The following RPF2 variants were observed in gnomAD, a reference collection of about 807,000 sequenced individuals.
RPF2 encodes the protein ribosome production factor 2 homolog, also known as brix domain containing 1.
Under a neutral mutation model 38.9 loss-of-function variants are expected in RPF2, and 21 were observed. That is an observed-to-expected ratio of 0.54 (90% CI 0.38 to 0.78). The LOEUF is 0.78. Among genes scored for constraint, RPF2 ranks in the 30% least tolerant of loss-of-function variants. The probability of loss-of-function intolerance (pLI) is 0.00; values close to 1 mark genes in which losing one functional copy is unlikely to be tolerated. For synonymous variants in RPF2, 121 were observed against 126.2 expected (o/e 0.96, Z 0.28); for missense variants, 314 against 358.1 (o/e 0.88, Z 0.99).
chr6:110,987,725 C>T (rs1771547571), intron 2 of RPF2, among the ~76,000 whole-genome samples: 1 of 152,118 alleles, frequency 6.6e-6, no homozygotes, highest in Admixed American at 6.6e-5. Context: ...CTTTGTTCAC[C>T]AACTCTGATA....
At chr6:110,993,888 C>T (rs560451857) in intron 4 of RPF2, among the ~76,000 whole-genome samples, 1 of 152,262 alleles carries the variant, frequency 6.6e-6, no homozygotes, top group Non-Finnish European at 1.5e-5. Context: ...ATGAGTTTTG[C>T]TGCTTTAGAG....
At chr6:111,023,758 C>T (rs1772272785) in intron 8 of RPF2, among the ~76,000 whole-genome samples, 1 of 151,964 alleles carries the variant, frequency 6.6e-6, no homozygotes, top group Non-Finnish European at 1.5e-5. Flanking sequence ...GAGGCCGAGG[C>T]AGGAGGATCA....
chr6:111,025,483 C>A lies in RPF2; in HGVS notation c.822C>A (p.Ser274Arg), dbSNP rs775963504. The change falls in exon 10 of 10, where the codon AGC becomes AGA. Residue 274 changes from serine (S) to arginine (R), a missense_variant. By Grantham distance (110) the Ser-to-Arg change is moderately radical. Transcript: ENST00000441448. Reference protein sequence around the residue: ...GRIHMQKQDLSKLQTRKMKGL... With the variant: ...GRIHMQKQDLRKLQTRKMKGL... The stretch of plus-strand genomic sequence containing the variant: ...TTCATATGCAGAAGCAAGACCTAAG[C>A]AAACTACAAACCAGGAAAATGAAGG... 1.2e-5 allele frequency: 20 copies of A among 1,613,178 alleles called. No homozygotes were observed. The highest frequency in any genetic ancestry group is 1.5e-5 in the Non-Finnish European group (18 of 1,179,530).
At position 111,025,579 on chromosome 6, in the gene RPF2, T is replaced by C; in HGVS notation, c.918T>C (p.Asn306=). 2.5e-6 allele frequency: 4 copies of C among 1,602,726 alleles called. No individual in the cohort carries two copies. Among genetic ancestry groups the C allele is most frequent in the Non-Finnish European group, 3.4e-6 (4 of 1,176,230 alleles). Residue 306 remains asparagine (N), a synonymous_variant, in exon 10 of 10, where the codon AAT becomes AAC. Coordinates refer to ENST00000441448, the MANE Select transcript of RPF2 (RefSeq NM_032194.3). ...HEKKSKRIKK[N] ...AAAAGTCAAAAAGAATTAAAAAAAA[T>C]TGATGGAACTTAGCCAGCCACTACT...
chr6:111,013,088 A>G (rs1158660575), intron 7 of RPF2, among the ~76,000 whole-genome samples: 2 of 152,218 alleles, frequency 1.3e-5, no homozygotes, highest in East Asian at 3.8e-4. Context: ...GTCTTTCCCA[A>G]CTAGAAATGA....
intron 3 of RPF2, among the ~76,000 whole-genome samples, chr6:110,989,512 A>G (rs1024056277): frequency 4.6e-5 from 7 of 152,026 alleles, no homozygotes; most frequent in Admixed American, 2.0e-4. Flanking sequence ...GTGCAGTGGC[A>G]TGATCTCTGC....
rs1316241608 is a variant in RPF2, at chr6:111,008,138, G to A, written c.493+1G>A. The A allele has an allele frequency of 1.3e-6, 2 of 1,593,176 alleles. No homozygotes were observed. The highest frequency in any genetic ancestry group is 1.7e-6 in the Non-Finnish European group (2 of 1,171,436). On this transcript the variant is annotated splice_donor_variant, in intron 7 of 9. Transcript: ENST00000441448. LOFTEE classifies it high-confidence loss of function. ...AGAAGACTAAAAAGTCTTCTTATTG[G>A]TAAGTATTTTAGTATTTATTATCTT...
At position 111,017,316 on chromosome 6, in the gene RPF2, ACCTC is replaced by A. The variant is rs1490774142; in HGVS notation, c.596+1467_596+1470del. On this transcript the variant is annotated intron_variant, in intron 8 of 9. Coordinates refer to ENST00000441448, the MANE Select transcript of RPF2 (RefSeq NM_032194.3). ...GCGGCGGCTGGGCGGAGGCGCCCCCACCTCCCTCCCGGATGGGGCGGCTGGCCGG... is the reference window on the plus strand; with the variant it reads ...GCGGCGGCTGGGCGGAGGCGCCCCCACCTCCCGGATGGGGCGGCTGGCCGG... Among the ~76,000 whole-genome samples, 5 of 143,534 alleles carry A rather than the reference ACCTC, an allele frequency of 3.5e-5. No individual in the cohort carries two copies. In the East Asian group the frequency reaches 1.1e-3, roughly 30 times the overall value. 94.2% of individuals were successfully genotyped at this position (143,534 alleles called of 152,430 possible).
intron 8 of RPF2, among the ~76,000 whole-genome samples, chr6:111,017,385 T>G (rs1387387912): frequency 1.4e-5 from 2 of 142,820 alleles, no homozygotes; most frequent in African/African-American, 5.3e-5. Flanking sequence ...ACGGGGCGGC[T>G]GCCAGGCGGA....
intron 7 of RPF2, among the ~76,000 whole-genome samples, chr6:111,008,451 A>G (rs1771955503): frequency 6.6e-6 from 1 of 151,614 alleles, no homozygotes; most frequent in Non-Finnish European, 1.5e-5. Flanking sequence ...GCACCTAAGT[A>G]TCTCGGGAGA....
intron 8 of RPF2, among the ~76,000 whole-genome samples, chr6:111,020,615 C>CT (rs1168302220): frequency 6.6e-6 from 1 of 152,042 alleles, no homozygotes; most frequent in Non-Finnish European, 1.5e-5. Context: ...TAATCCAGTA[C>CT]TTTGGGAGGC....
intron 7 of RPF2, among the ~76,000 whole-genome samples, chr6:111,014,033 AG>A (rs1339384244): frequency 1.3e-5 from 2 of 149,518 alleles, no homozygotes; most frequent in African/African-American, 4.9e-5. Context: ...AATGTTCATT[AG>A]TTTTTTTTTT....
At chr6:110,997,817 T>C (rs1771743071) in intron 5 of RPF2, among the ~76,000 whole-genome samples, 1 of 152,084 alleles carries the variant, frequency 6.6e-6, no homozygotes, top group Non-Finnish European at 1.5e-5. Context: ...GTGTGCTGTT[T>C]GACCTTTGAC....
Position 111,027,909 on chromosome 6 carries a change from C to T in RPF2, c.*2327C>T, listed in dbSNP as rs945094771. 2 of 152,134 alleles carry T rather than the reference C, an allele frequency of 1.3e-5. No individual in the cohort carries two copies. Among genetic ancestry groups the T allele is most frequent in the African/African-American group, 4.8e-5 (2 of 41,424 alleles). The allele number at this position is 152,134 out of a possible 1,614,324, so 9.4% of individuals were successfully genotyped here. A position where few individuals can be genotyped will look rare whatever the true frequency, so the allele number is the denominator to read the frequency against. ...ATATCACTTTTTGTGGAGAGCACATCTTGATTTTCAGTTGTCCTTACTTTA... is the reference window on the plus strand; with the variant it reads ...ATATCACTTTTTGTGGAGAGCACATTTTGATTTTCAGTTGTCCTTACTTTA... On this transcript the variant is annotated 3_prime_UTR_variant, in exon 10 of 10. Transcript: ENST00000441448.
chr6:111,004,455 T>TAG (rs1771873408), intron 6 of RPF2, among the ~76,000 whole-genome samples: 1 of 152,114 alleles, frequency 6.6e-6, no homozygotes, highest in South Asian at 2.1e-4. Context: ...GTGCTAGGAT[T>TAG]AGAGGCGTGA....
chr6:110,987,182 C>G (rs1771539029), intron 2 of RPF2, among the ~76,000 whole-genome samples: 1 of 152,118 alleles, frequency 6.6e-6, no homozygotes, highest in Non-Finnish European at 1.5e-5. Flanking sequence ...ATTCTCCTGC[C>G]TCTAGCCTCC....
chr6:110,984,488 C>G (rs1771489388), intron 1 of RPF2, among the ~76,000 whole-genome samples: 1 of 151,844 alleles, frequency 6.6e-6, no homozygotes, highest in South Asian at 2.1e-4. Context: ...TTTTTAAAAG[C>G]TATCAAAACA....
intron 7 of RPF2, among the ~76,000 whole-genome samples, chr6:111,014,378 C>G (rs532710909): frequency 6.6e-6 from 1 of 152,068 alleles, no homozygotes; most frequent in Non-Finnish European, 1.5e-5. Flanking sequence ...ATGATCTGCT[C>G]GCCTCGGCCT....
chr6:111,012,457 C>T (rs919748840), intron 7 of RPF2, among the ~76,000 whole-genome samples: 6 of 152,160 alleles, frequency 3.9e-5, no homozygotes, highest in East Asian at 1.9e-4. Flanking sequence ...AGCCAACATG[C>T]GTGGCCTATT....
Sources: allele counts gnomAD v4.1 joint callset (sites outside exome capture counted in the v4.1 genomes callset), GRCh38; gene constraint gnomAD v4.1.1; transcripts MANE v1.5; gene names NCBI Gene and HGNC (gene_info 2026-07-23, HGNC 2026-07-21).